The following SCN4A variants were observed in gnomAD, a reference collection of about 807,000 sequenced individuals.
SCN4A encodes the protein sodium channel protein type 4 subunit alpha.
In SCN4A, 83 loss-of-function variants were observed where a neutral mutation model predicts 162.0. The ratio of observed to expected loss-of-function variants is 0.51; its 90% confidence interval spans 0.43 to 0.61. The LOEUF is 0.61. Among genes scored for constraint, SCN4A ranks in the 20% least tolerant of loss-of-function variants. The probability of loss-of-function intolerance (pLI) is 0.00; values close to 1 mark genes in which losing one functional copy is unlikely to be tolerated. For synonymous variants in SCN4A, 944 were observed against 985.1 expected (o/e 0.96, Z 0.78); for missense variants, 2,196 against 2,462.5 (o/e 0.89, Z 2.29).
Position 63,948,683 on chromosome 17 carries a change from G to A in SCN4A, c.3072C>T (p.Cys1024=). Residue 1024 remains cysteine (C), a synonymous_variant, in exon 16 of 24, where the codon TGC becomes TGT. Transcript: ENST00000435607. ...GKKWWTLRRA[C]FKIVEHNWFE... is the part of the protein sequence containing the mutation. ...ACCAGTTGTGCTCGACAATCTTGAA[G>A]CAGGCCCTGCGCAGAGTCCACCACT... 1.2e-6 allele frequency: 2 copies of A among 1,613,798 alleles called. No homozygotes were observed. Among genetic ancestry groups the A allele is most frequent in the Non-Finnish European group, 1.7e-6 (2 of 1,179,846 alleles).
In SCN4A at chr17:63,945,728, C is replaced by G. The variant is rs1908696427; in HGVS notation, c.3442-90G>C. 17 of 1,350,136 alleles carry G rather than the reference C, an allele frequency of 1.3e-5. No homozygotes were observed. The highest frequency in any genetic ancestry group is 1.7e-5 in the Non-Finnish European group (17 of 985,258). 83.6% of individuals were successfully genotyped at this position (1,350,136 alleles called of 1,614,324 possible). A position where few individuals can be genotyped will look rare whatever the true frequency, so the allele number is the denominator to read the frequency against. On this transcript the variant is annotated intron_variant, in intron 18 of 23. Coordinates refer to ENST00000435607, the MANE Select transcript of SCN4A (RefSeq NM_000334.4). The surrounding 1 kb of genome is among the most constrained non-coding windows in gnomAD (Gnocchi z 4.4). ...ACGCCACCCAGGGGACCAGGCAGAGCTGGGCATTGTCAATTAGGGAGGGCT... is the reference window on the plus strand; with the variant it reads ...ACGCCACCCAGGGGACCAGGCAGAGGTGGGCATTGTCAATTAGGGAGGGCT...
intron 13 of SCN4A, among the ~76,000 whole-genome samples, chr17:63,954,377 G>T (rs960018303): frequency 2.6e-5 from 4 of 152,114 alleles, no homozygotes; most frequent in African/African-American, 7.2e-5. Context: ...CTCCCTCTCT[G>T]GGGGGAGGCA....
In SCN4A at chr17:63,947,091, C is replaced by T. The variant is rs80338789; in HGVS notation, c.3395G>A (p.Arg1132Gln). 6 of 1,613,408 alleles carry T rather than the reference C, an allele frequency of 3.7e-6. No individual in the cohort carries two copies. The highest frequency in any genetic ancestry group is 4.2e-6 in the Non-Finnish European group (5 of 1,179,786). Residue 1132 changes from arginine (R) to glutamine (Q), a missense_variant, in exon 18 of 24, where the codon CGG (arginine) becomes CAG (glutamine). Arg to Gln is a conservative substitution (Grantham distance 43, BLOSUM62 1). Transcript: ENST00000435607. ...CAGTGCCCTCAGGGGACGCAGGGCC[C>T]GCAGTGTCCGCAGGGATTTGATGGG... ...LGPIKSLRTL[R>Q]ALRPLRALSR...
Position 63,972,818 on chromosome 17 carries a change from G to A in SCN4A, c.24C>T (p.Thr8=). 1 of 1,612,718 alleles carries A rather than the reference G, an allele frequency of 6.2e-7. No homozygotes were observed. Among genetic ancestry groups the A allele is most frequent in the South Asian group, 1.1e-5 (1 of 90,966 alleles). Residue 8 remains threonine (T), a synonymous_variant, in exon 1 of 24, where the codon ACC becomes ACT. Coordinates refer to ENST00000435607, the MANE Select transcript of SCN4A (RefSeq NM_000334.4). The surrounding 1 kb of genome is among the most constrained non-coding windows in gnomAD (Gnocchi z 4.3). Reference sequence around the variant, plus strand: ...AGCACTCAGGGCCCAGAGGCACCAGGGTGCACAGAGATGGTCTGGCCATCC... The same window carrying A: ...AGCACTCAGGGCCCAGAGGCACCAGAGTGCACAGAGATGGTCTGGCCATCC... MARPSLC[T]LVPLGPECLR... is the part of the protein sequence containing the mutation.
intron 10 of SCN4A, chr17:63,961,725 C>T (rs1909264748): frequency 2.3e-6 from 1 of 426,700 alleles, no homozygotes; most frequent in Non-Finnish European, 4.3e-6. Flanking sequence ...TAACCCCCGC[C>T]TACAGCCCCA....
rs368278422 is a variant in SCN4A at position 63,957,318 on chromosome 17, C to T, written c.2220G>A (p.Pro740=). ...GGAAGAAATCATGCATGTGCCAGCG[C>T]GGCAGGTTGCAGTCCAAGGCAATCT... ...VCKIALDCNL[P]RWHMHDFFHS... is the part of the protein sequence containing the mutation. Residue 740 remains proline, a synonymous_variant, in exon 13 of 24, where the codon CCG becomes CCA. Coordinates refer to ENST00000435607, the MANE Select transcript of SCN4A (RefSeq NM_000334.4). The T allele has an allele frequency of 4.5e-5, 72 of 1,614,026 alleles. No individual in the cohort carries two copies. Among genetic ancestry groups the T allele is most frequent in the Admixed American group, 1.5e-4 (9 of 60,008 alleles).
At chr17:63,971,650 C>T in intron 4 of SCN4A, 72 bp downstream of exon 4, 2 of 1,418,842 alleles carry the variant, frequency 1.4e-6, no homozygotes, top group Non-Finnish European at 9.7e-7. Context: ...GCCCAGGCAG[C>T]TTCCCTCTTT....
In SCN4A at chr17:63,943,731, C is replaced by A. The variant is rs77844100; in HGVS notation, c.4017+15G>T. On this transcript the variant is annotated intron_variant, in intron 22 of 23. Coordinates refer to ENST00000435607, the MANE Select transcript of SCN4A (RefSeq NM_000334.4). ...CTGGCAGCACACACAGGACAGGGGG[C>A]CCAGAGGTCTGTACCTGGGGCCGGG... 4,696 of 1,538,510 alleles carry A rather than the reference C, an allele frequency of 3.1e-3. 124 individuals are homozygous for A. The African/African-American group carries it at 0.057, about 19-fold the overall frequency.
In SCN4A at chr17:63,945,392, C is replaced by T. The variant is rs778820577; in HGVS notation, c.3688G>A (p.Val1230Met). 46 of 1,612,832 alleles carry T rather than the reference C, an allele frequency of 2.9e-5. No individual in the cohort carries two copies. Among genetic ancestry groups the T allele is most frequent in the Admixed American group, 1.7e-4 (10 of 59,988 alleles). ...AGGAGGGAGAGGTAGCCCAGACCCA[C>T]GTTGTCGTAGTTGACCTTGACATTG... ...WLNVKVNYDN[V>M]GLGYLSLLQV... is the part of the protein sequence containing the mutation. The change falls in exon 19 of 24, where the codon GTG (valine) becomes ATG (methionine). Residue 1230 changes from valine to methionine, a missense_variant. Transcript: ENST00000435607. The surrounding 1 kb of genome is among the most constrained non-coding windows in gnomAD (Gnocchi z 4.4).
Position 63,972,686 on chromosome 17 carries a change from C to T in SCN4A, c.156G>A (p.Arg52=). The T allele has an allele frequency of 6.2e-7, 1 of 1,613,718 alleles. No homozygotes were observed. Among genetic ancestry groups the T allele is most frequent in the Non-Finnish European group, 8.5e-7 (1 of 1,179,782 alleles). ...NKQMEIEEPE[R]KPRSDLEAGK... ...CAGCCTCCAAGTCACTTCGTGGCTTCCGTTCGGGCTCCTCAATCTCCATCT... is the reference window on the plus strand; with the variant it reads ...CAGCCTCCAAGTCACTTCGTGGCTTTCGTTCGGGCTCCTCAATCTCCATCT... The change falls in exon 1 of 24, where the codon CGG becomes CGA. Residue 52 remains arginine (R), a synonymous_variant. Coordinates refer to ENST00000435607, the MANE Select transcript of SCN4A (RefSeq NM_000334.4). This position sits in a 1 kb window ranked among gnomAD's most constrained non-coding sequence, Gnocchi z 4.3.
At chr17:63,955,808 T>G (rs1478524743) in intron 13 of SCN4A, among the ~76,000 whole-genome samples, 1 of 152,130 alleles carries the variant, frequency 6.6e-6, no homozygotes, top group Non-Finnish European at 1.5e-5. Flanking sequence ...AGCATAGTCT[T>G]CTTCTGCAGC....
chr17:63,962,293 A>C lies in SCN4A; in HGVS notation c.1607-862T>G, dbSNP rs954342148. On this transcript the variant is annotated intron_variant, in intron 10 of 23. Transcript: ENST00000435607. Reference sequence around the variant, plus strand: ...GCACAGACAGATCCCTCGGGGATGCACTGTCGGTAATACCGGCCCCTCCAA... The same window carrying C: ...GCACAGACAGATCCCTCGGGGATGCCCTGTCGGTAATACCGGCCCCTCCAA... 2.0e-5 allele frequency among the ~76,000 whole-genome samples: 3 copies of C among 152,278 alleles called. No individual in the cohort carries two copies. The Middle Eastern group carries it at 0.01, about 518-fold the overall frequency.
At chr17:63,961,830 C>T (rs1232081610) in intron 10 of SCN4A, 1 of 189,050 alleles carries the variant, frequency 5.3e-6, no homozygotes, top group African/African-American at 2.3e-5. Context: ...CTCTAAACCC[C>T]GCCCACAACC....
intron 11 of SCN4A, among the ~76,000 whole-genome samples, chr17:63,960,070 A>G (rs1429252306): frequency 6.6e-6 from 1 of 152,154 alleles, no homozygotes; most frequent in Non-Finnish European, 1.5e-5. Context: ...TCCCCTGCCA[A>G]CCCTGGACAT....
rs997904093 is a variant in SCN4A at position 63,944,562 on chromosome 17, C to T, written c.3912+111G>A. ...CCAAGCTAGCTGCCTGAACCAACAA[C>T]CTGGTAGGTGCTCAGGCAGCGTTTG... On this transcript the variant is annotated intron_variant, in intron 21 of 23. Transcript: ENST00000435607. This position sits in a 1 kb window ranked among gnomAD's most constrained non-coding sequence, Gnocchi z 4.3. The T allele has an allele frequency of 1.5e-5, 19 of 1,261,012 alleles. No individual in the cohort carries two copies. Among genetic ancestry groups the T allele is most frequent in the African/African-American group, 1.5e-4 (10 of 66,706 alleles). The allele number at this position is 1,261,012 out of a possible 1,614,324, so 78.1% of individuals were successfully genotyped here.
Position 63,945,722 on chromosome 17 carries a change from G to T in SCN4A, c.3442-84C>A. ...ATCTCTACGCCACCCAGGGGACCAG[G>T]CAGAGCTGGGCATTGTCAATTAGGG... is the stretch of plus-strand genomic sequence containing the variant. On this transcript the variant is annotated intron_variant, in intron 18 of 23. Coordinates refer to ENST00000435607, the MANE Select transcript of SCN4A (RefSeq NM_000334.4). This position sits in a 1 kb window ranked among gnomAD's most constrained non-coding sequence, Gnocchi z 4.4. 1.4e-6 allele frequency: 2 copies of T among 1,457,488 alleles called. No individual in the cohort carries two copies. Among genetic ancestry groups the T allele is most frequent in the Non-Finnish European group, 9.5e-7 (1 of 1,054,832 alleles). 90.3% of individuals were successfully genotyped at this position (1,457,488 alleles called of 1,614,324 possible). A position where few individuals can be genotyped will look rare whatever the true frequency, so the allele number is the denominator to read the frequency against.
intron 5 of SCN4A, among the ~76,000 whole-genome samples, chr17:63,969,080 T>A (rs1019019672): frequency 4.6e-5 from 7 of 152,190 alleles, no homozygotes; most frequent in Non-Finnish European, 7.3e-5. Context: ...TGGCCTCAAG[T>A]AATCAGCCTG....
chr17:63,956,313 C>A (rs1046601345), intron 13 of SCN4A, among the ~76,000 whole-genome samples: 10 of 152,270 alleles, frequency 6.6e-5, no homozygotes, highest in Admixed American at 2.0e-4. Flanking sequence ...AGGATCACAG[C>A]TCACTACAGC....
Position 63,942,979 on chromosome 17 carries a change from G to T in SCN4A, c.4135C>A (p.Gln1379Lys). 6.2e-7 allele frequency: 1 copy of T among 1,614,026 alleles called. No individual in the cohort carries two copies. ...TTGTACAGGATGTCCACCTTGAGCTGGCTCTGGTTGTCTGTCTCCACCATC... is the reference window on the plus strand; with the variant it reads ...TTGTACAGGATGTCCACCTTGAGCTTGCTCTGGTTGTCTGTCTCCACCATC... The part of the protein sequence containing the change: ...TMMVETDNQS[Q>K]LKVDILYNIN... The change falls in exon 23 of 24, where the codon CAG (glutamine) becomes AAG (lysine). Residue 1379 changes from glutamine (Q) to lysine (K), a missense_variant. Transcript: ENST00000435607.
Sources: gnomAD v4.1 joint callset for allele counts (sites outside exome capture counted in the v4.1 genomes callset) on GRCh38, gnomAD v4.1.1 for gene constraint, Gnocchi (gnomAD v3.1) non-coding constraint, MANE v1.5 for transcripts, NCBI Gene and HGNC (gene_info 2026-07-23, HGNC 2026-07-21) for gene names.